Variants in SGCG observed in about 807,000 individuals in gnomAD.
SGCG encodes gamma-sarcoglycan.
Under a neutral mutation model 29.3 loss-of-function variants are expected in SGCG, and 26 were observed. The observed-to-expected ratio is 0.89, with a 90% CI of 0.65 to 1.23. The LOEUF is 1.23. Among genes scored for constraint, SGCG ranks in the 50% most tolerant of loss-of-function variants. SGCG has a pLI of 0.00. For synonymous variants in SGCG, 145 were observed against 129.7 expected, an observed-to-expected ratio of 1.12 and a Z score of -0.80; for missense variants, 353 against 356.0, an observed-to-expected ratio of 0.99 and a Z score of 0.07.
chr13:23,252,504 A>G (rs879524475), intron 4 of SGCG, among the ~76,000 whole-genome samples: 1 of 152,094 alleles, frequency 6.6e-6, no homozygotes, highest in African/African-American at 2.4e-5. Flanking sequence ...ATCCTGGCTA[A>G]CACAGTGAAA....
chr13:23,256,384 CT>C (rs1229873092), intron 4 of SGCG, among the ~76,000 whole-genome samples: 2 of 151,898 alleles, frequency 1.3e-5, no homozygotes, highest in African/African-American at 2.4e-5. Context: ...ACATGAAAAA[CT>C]TTTTTTTATA....
chr13:23,291,559 C>T (rs565648572), intron 5 of SGCG, among the ~76,000 whole-genome samples: 13 of 152,238 alleles, frequency 8.5e-5, no homozygotes, highest in African/African-American at 3.1e-4. Context: ...ATGATATAAT[C>T]AAGAGCATAT....
the SGCG span, among the ~76,000 whole-genome samples, chr13:23,168,763 C>T: frequency 6.6e-6 from 1 of 152,112 alleles, no homozygotes; most frequent in Non-Finnish European, 1.5e-5. Context: ...TCATTGATAA[C>T]AATTATCTAA....
At chr13:23,223,790 A>C (rs4238167) in intron 2 of SGCG, among the ~76,000 whole-genome samples, 88,877 of 151,438 alleles carry the variant, frequency 0.59, 26,653 homozygotes, top group East Asian at 0.86. Context: ...ACATGGTGAA[A>C]CCCCGTCTCT....
intron 3 of SGCG, among the ~76,000 whole-genome samples, chr13:23,236,278 G>T (rs1278665940): frequency 1.3e-5 from 2 of 152,120 alleles, no homozygotes; most frequent in Non-Finnish European, 2.9e-5. Flanking sequence ...GAGTTGTGTT[G>T]GCTGATCTCC....
At chr13:23,189,303 A>C (rs1877142459) in intron 1 of SGCG, among the ~76,000 whole-genome samples, 1 of 152,128 alleles carries the variant, frequency 6.6e-6, no homozygotes, top group Admixed American at 6.6e-5. Context: ...CAGCCTCCTG[A>C]GTAGCTGGGA....
chr13:23,190,297 G>A (rs2311590), intron 1 of SGCG, among the ~76,000 whole-genome samples: 75,136 of 151,830 alleles, frequency 0.49, 19,167 homozygotes, highest in African/African-American at 0.64. Context: ...GTCTGTAGTA[G>A]TAATCTCCAG....
intron 3 of SGCG, among the ~76,000 whole-genome samples, chr13:23,249,769 A>G (rs547398886): frequency 1.3e-5 from 2 of 152,332 alleles, no homozygotes; most frequent in South Asian, 4.1e-4. Context: ...ATTCATATAG[A>G]CAAAAATTAA....
At chr13:23,173,749 T>A in the SGCG span, among the ~76,000 whole-genome samples, 1 of 152,248 alleles carries the variant, frequency 6.6e-6, no homozygotes, top group Non-Finnish European at 1.5e-5. Context: ...TACATTTAAA[T>A]TTTATAACTG....
At chr13:23,239,769 C>T (rs1198923873) in intron 3 of SGCG, among the ~76,000 whole-genome samples, 1 of 151,944 alleles carries the variant, frequency 6.6e-6, no homozygotes, top group Non-Finnish European at 1.5e-5. Context: ...GAGGATGGAC[C>T]TTAATAAGTT....
chr13:23,184,421 T>G (rs1330405144), intron 1 of SGCG, among the ~76,000 whole-genome samples: 1 of 152,190 alleles, frequency 6.6e-6, no homozygotes, highest in Non-Finnish European at 1.5e-5. Context: ...GCTTAAAAAT[T>G]TTAGGCTTAG....
At chr13:23,177,077 G>A (rs771619622), upstream of SGCG, among the ~76,000 whole-genome samples, 1 of 152,106 alleles carries the variant, frequency 6.6e-6, no homozygotes, top group African/African-American at 2.4e-5. Flanking sequence ...TTGAGAACAT[G>A]GATGAACCTG....
chr13:23,243,669 AGCCTG>A (rs1879592916), intron 3 of SGCG: 1 of 152,056 alleles, frequency 6.6e-6, no homozygotes, highest in Non-Finnish European at 1.5e-5. Flanking sequence ...TGGTGGAGAG[AGCCTG>A]GAAGTGGGCA....
intron 1 of SGCG, among the ~76,000 whole-genome samples, chr13:23,193,770 A>G (rs868781322): frequency 1.3e-5 from 2 of 152,188 alleles, no homozygotes; most frequent in South Asian, 4.2e-4. Context: ...AAATTTGGGA[A>G]CCATCAGCCT....
chr13:23,250,918 A>G (rs776036660), intron 4 of SGCG, among the ~76,000 whole-genome samples: 3 of 152,250 alleles, frequency 2.0e-5, no homozygotes, highest in Non-Finnish European at 4.4e-5. Context: ...TGCTTTGATT[A>G]GAGTTATTTT....
intron 6 of SGCG, among the ~76,000 whole-genome samples, chr13:23,317,521 T>TATC (rs77663434): frequency 0.36 from 54,377 of 151,972 alleles, 11,085 homozygotes; most frequent in Non-Finnish European, 0.44. Context: ...GGACTGTAAT[T>TATC]ATGAGTATTT....
At position 23,307,471 on chromosome 13, in the gene SGCG, T is replaced by A. The variant is rs79373762; in HGVS notation, c.578+11984T>A. On this transcript the variant is annotated intron_variant, in intron 6 of 7. Transcript: ENST00000218867. ...CTTTTTTCAAGACAGAAGTACACTT[T>A]ACAGAAATAATGAAATCCCAGGAGT... 8.5e-3 allele frequency among the ~76,000 whole-genome samples: 1,300 copies of A among 152,334 alleles called. 23 individuals carry two copies. The highest frequency in any genetic ancestry group is 0.03 in the African/African-American group (1,228 of 41,582).
chr13:23,167,672 A>G, the SGCG span, among the ~76,000 whole-genome samples: 1 of 151,244 alleles, frequency 6.6e-6, no homozygotes, highest in Non-Finnish European at 1.5e-5. Context: ...GCACCTTTTC[A>G]TATGCTATTT....
chr13:23,204,851 CTAT>C (rs1340570567), intron 2 of SGCG, among the ~76,000 whole-genome samples: 1 of 151,872 alleles, frequency 6.6e-6, no homozygotes, highest in African/African-American at 2.4e-5. Context: ...GAAACACCTT[CTAT>C]TATTCTTCTT....
Sources: gnomAD v4.1 joint callset for allele counts (sites outside exome capture counted in the v4.1 genomes callset) on GRCh38, gnomAD v4.1.1 for gene constraint, MANE v1.5 for transcripts, NCBI Gene and HGNC (gene_info 2026-07-23, HGNC 2026-07-21) for gene names.